The following MTRF1 variants were observed in gnomAD, a reference collection of about 807,000 sequenced individuals.
MTRF1 encodes the protein peptide chain release factor 1, mitochondrial.
Under a neutral mutation model 62.9 loss-of-function variants are expected in MTRF1, and 51 were observed. That is an observed-to-expected ratio of 0.81 (90% CI 0.65 to 1.02). The LOEUF (loss-of-function observed/expected upper bound fraction) is 1.02, where lower values mean the gene tolerates loss of function less well. Ranked by LOEUF, MTRF1 falls within the 50% of genes least tolerant of loss-of-function variation. The probability of loss-of-function intolerance (pLI) is 0.00; values close to 1 mark genes in which losing one functional copy is unlikely to be tolerated. For missense variants in MTRF1, 446 were observed against 530.0 expected (o/e 0.84, Z 1.56); for synonymous variants, 158 against 181.9 (o/e 0.87, Z 1.06).
At chr13:41,222,824 T>C (rs1393745756) in intron 9 of MTRF1, among the ~76,000 whole-genome samples, 4 of 152,204 alleles carry the variant, frequency 2.6e-5, no homozygotes, top group Non-Finnish European at 5.9e-5. Flanking sequence ...CATGCCTTGA[T>C]TTCAGCCTTG....
In MTRF1 at chr13:41,233,935, C is replaced by A; in HGVS notation, c.943G>T (p.Val315Phe). The A allele has an allele frequency of 6.2e-7, 1 of 1,614,146 alleles. No individual in the cohort carries two copies. The highest frequency in any genetic ancestry group is 8.5e-7 in the Non-Finnish European group (1 of 1,180,008). Residue 315 changes from valine (V) to phenylalanine (F), a missense_variant, in exon 7 of 10, where the codon GTT becomes TTT. Transcript: ENST00000379480. ...CTGACGGCACTATCAGTTTTATTAA[C>A]ATGCTGCCCTCCTGCTCCTTTGGCT... ...FRAKGAGGQHVNKTDSAVRLV... is the reference protein window; with the variant it reads ...FRAKGAGGQHFNKTDSAVRLV...
chr13:41,276,618 A>G, the MTRF1 span, among the ~76,000 whole-genome samples: 127 of 152,248 alleles, frequency 8.3e-4, 1 homozygote, highest in South Asian at 7.7e-3. Flanking sequence ...AGGTGATCTG[A>G]TCTAGCCAAC....
chr13:41,228,607 C>T (rs1286016157), intron 7 of MTRF1, among the ~76,000 whole-genome samples: 1 of 149,184 alleles, frequency 6.7e-6, no homozygotes, highest in East Asian at 2.0e-4. Context: ...ATTACAGAGG[C>T]CATCTTTTAC....
the MTRF1 span, among the ~76,000 whole-genome samples, chr13:41,276,658 C>CT: frequency 6.6e-6 from 1 of 152,136 alleles, no homozygotes; most frequent in Non-Finnish European, 1.5e-5. Flanking sequence ...TTCAAGCTAG[C>CT]TTTGGAAGAC....
upstream of MTRF1, among the ~76,000 whole-genome samples, chr13:41,266,788 C>T (rs1052683275): frequency 6.6e-6 from 1 of 151,728 alleles, no homozygotes; most frequent in Non-Finnish European, 1.5e-5. Context: ...GTCAGGAGAT[C>T]GAGACCATCC....
At chr13:41,307,180 G>C in the MTRF1 span, among the ~76,000 whole-genome samples, 1 of 152,038 alleles carries the variant, frequency 6.6e-6, no homozygotes, top group African/African-American at 2.4e-5. Context: ...ATATGGTTTG[G>C]ATTTGTGCCC....
chr13:41,238,106 T>C (rs1335611487), intron 6 of MTRF1, among the ~76,000 whole-genome samples: 2 of 152,102 alleles, frequency 1.3e-5, no homozygotes, highest in African/African-American at 4.8e-5. Context: ...ACTGAAAGAG[T>C]CTAGAAGTAA....
the MTRF1 span, among the ~76,000 whole-genome samples, chr13:41,292,877 A>C: frequency 6.6e-6 from 1 of 152,192 alleles, no homozygotes; most frequent in Admixed American, 6.5e-5. Context: ...TCAGGGCTGC[A>C]GTGAACTATG....
chr13:41,250,586 T>C (rs1468743014), intron 5 of MTRF1, among the ~76,000 whole-genome samples: 4 of 151,782 alleles, frequency 2.6e-5, no homozygotes, highest in African/African-American at 9.7e-5. Flanking sequence ...CCGTGCCTCC[T>C]GGGTTCAAAT....
the MTRF1 span, among the ~76,000 whole-genome samples, chr13:41,274,829 T>A: frequency 6.6e-6 from 1 of 151,888 alleles, no homozygotes; most frequent in African/African-American, 2.4e-5. Context: ...AGAGACAGGG[T>A]TTCACCATTT....
the MTRF1 span, among the ~76,000 whole-genome samples, chr13:41,275,292 C>T: frequency 6.6e-6 from 1 of 151,854 alleles, no homozygotes; most frequent in African/African-American, 2.4e-5. Context: ...GCTCCGCCTC[C>T]CGGGTTCATG....
the MTRF1 span, among the ~76,000 whole-genome samples, chr13:41,303,905 AT>A: frequency 6.6e-6 from 1 of 152,098 alleles, no homozygotes; most frequent in African/African-American, 2.4e-5. Flanking sequence ...AAATCTCCCC[AT>A]TTTTTTGTTA....
At chr13:41,247,595 T>C (rs113532578) in intron 5 of MTRF1, among the ~76,000 whole-genome samples, 9 of 152,180 alleles carry the variant, frequency 5.9e-5, no homozygotes, top group Non-Finnish European at 1.3e-4. Flanking sequence ...TCACCACTCC[T>C]GCATTTTTCA....
At chr13:41,288,036 GCA>G in the MTRF1 span, 1 of 395,940 alleles carries the variant, frequency 2.5e-6, no homozygotes. Flanking sequence ...ATGCCACTCT[GCA>G]CAGACATTTT....
Position 41,223,249 on chromosome 13 carries a change from G to C in MTRF1, c.1224+7C>G. On this transcript the variant is annotated splice_region_variant and intron_variant, in intron 9 of 9. Coordinates refer to ENST00000379480, the MANE Select transcript of MTRF1 (RefSeq NM_004294.4). ...AAAGGTAGGCAAAGCATACTCAGTA[G>C]TATTACCTTAATATCACGAACTTCA... is the stretch of plus-strand genomic sequence containing the variant. 6.3e-7 allele frequency: 1 copy of C among 1,593,474 alleles called. No homozygotes were observed. Among genetic ancestry groups the C allele is most frequent in the Non-Finnish European group, 8.6e-7 (1 of 1,162,360 alleles).
intron 1 of MTRF1, 138 bp downstream of exon 1, chr13:41,263,345 TGA>T (rs1262752943): frequency 7.8e-7 from 1 of 1,284,726 alleles, no homozygotes; most frequent in Non-Finnish European, 1.0e-6. Context: ...GGGAAAGTTC[TGA>T]GTGTAGGCAG....
At chr13:41,232,882 T>C in intron 7 of MTRF1, among the ~76,000 whole-genome samples, 1 of 152,116 alleles carries the variant, frequency 6.6e-6, no homozygotes, top group East Asian at 1.9e-4. Flanking sequence ...TTTTGGAAGA[T>C]GTAAGCAGAC....
intron 8 of MTRF1, among the ~76,000 whole-genome samples, chr13:41,224,352 C>T (rs774042349): frequency 6.6e-6 from 1 of 152,134 alleles, no homozygotes; most frequent in African/African-American, 2.4e-5. Flanking sequence ...CCCCAACACC[C>T]GATATACACA....
chr13:41,219,700 AAAG>A (rs1269253289), intron 9 of MTRF1, among the ~76,000 whole-genome samples: 2 of 152,284 alleles, frequency 1.3e-5, no homozygotes, highest in East Asian at 1.9e-4. Flanking sequence ...ATTTCCATCA[AAAG>A]AAGGAGTATT....
Sources: allele counts gnomAD v4.1 joint callset (sites outside exome capture counted in the v4.1 genomes callset), GRCh38; gene constraint gnomAD v4.1.1; transcripts MANE v1.5; gene names NCBI Gene and HGNC (gene_info 2026-07-23, HGNC 2026-07-21).